The following DSCAML1 variants were observed in gnomAD, a reference collection of about 807,000 sequenced individuals.
The protein encoded by DSCAML1 is DS cell adhesion molecule like 1, also known as cell adhesion molecule DSCAML1.
Under a neutral mutation model 200.5 loss-of-function variants are expected in DSCAML1, and 38 were observed. That is an observed-to-expected ratio of 0.19 (90% CI 0.15 to 0.25). The LOEUF (loss-of-function observed/expected upper bound fraction) is 0.25, where lower values mean the gene tolerates loss of function less well. Among genes scored for constraint, DSCAML1 ranks in the 10% least tolerant of loss-of-function variants. DSCAML1 has a pLI of 1.00. For missense variants in DSCAML1, 2,223 were observed against 2,858.8 expected, an observed-to-expected ratio of 0.78 and a Z score of 5.07; for synonymous variants, 1,215 against 1,165.0, an observed-to-expected ratio of 1.04 and a Z score of -0.87.
chr11:117,563,937 C>T (rs1031049736), intron 3 of DSCAML1, among the ~76,000 whole-genome samples: 4 of 152,032 alleles, frequency 2.6e-5, no homozygotes, highest in African/African-American at 9.7e-5. Context: ...GTGACGGGTG[C>T]CAGTCTAACT....
intron 3 of DSCAML1, among the ~76,000 whole-genome samples, chr11:117,661,093 T>A (rs1454236185): frequency 6.6e-6 from 1 of 152,166 alleles, no homozygotes; most frequent in Admixed American, 6.5e-5. Context: ...AGGCCACTGT[T>A]CCCAAGGTGA....
At chr11:117,792,804 GCAACCC>G (rs2055496289) in intron 1 of DSCAML1, among the ~76,000 whole-genome samples, 1 of 152,154 alleles carries the variant, frequency 6.6e-6, no homozygotes, top group East Asian at 1.9e-4. Context: ...CATGAGAGGA[GCAACCC>G]ACATCCCAAG....
chr11:117,577,482 C>T (rs1314785177), intron 3 of DSCAML1, among the ~76,000 whole-genome samples: 18 of 25,264 alleles, frequency 7.1e-4, no homozygotes, highest in South Asian at 4.5e-3. Flanking sequence ...TCCTTCCTTC[C>T]TTCCTTCCTT....
In DSCAML1 at chr11:117,428,265, C is replaced by G. The variant is rs1409070617; in HGVS notation, c.*63G>C. ...GAATATAAATAATGCAGAAAAACAG[C>G]CGAGCTGGCGTGTGGGGCTGCGGCG... is the stretch of plus-strand genomic sequence containing the variant. On this transcript the variant is annotated 3_prime_UTR_variant, in exon 33 of 33. Coordinates refer to ENST00000651296, the MANE Select transcript of DSCAML1 (RefSeq NM_020693.4). 1 of 945,968 alleles carries G rather than the reference C, an allele frequency of 1.1e-6. No homozygotes were observed. Among genetic ancestry groups the G allele is most frequent in the East Asian group, 2.5e-5 (1 of 40,338 alleles). The allele number at this position is 945,968 out of a possible 1,614,324, so 58.6% of individuals were successfully genotyped here. A position where few individuals can be genotyped will look rare whatever the true frequency, so the allele number is the denominator to read the frequency against.
chr11:117,637,838 A>C (rs1458463603), intron 3 of DSCAML1, among the ~76,000 whole-genome samples: 42 of 152,188 alleles, frequency 2.8e-4, no homozygotes, highest in Admixed American at 2.7e-3. Flanking sequence ...TTAGCGGAGA[A>C]ATAATCTCCA....
chr11:117,776,960 GA>G, intron 2 of DSCAML1, 23 bp from the exon 3 acceptor site: 2 of 1,612,612 alleles, frequency 1.2e-6, no homozygotes, highest in Non-Finnish European at 1.7e-6. Context: ...TGGCAGTGGG[GA>G]AGAGAAGAGT....
chr11:117,473,597 C>T (rs1305094000), intron 14 of DSCAML1, among the ~76,000 whole-genome samples: 4 of 152,168 alleles, frequency 2.6e-5, no homozygotes, highest in Admixed American at 6.5e-5. Context: ...CCTCCAATTT[C>T]TGGTTAGTTG....
chr11:117,742,079 C>T (rs1269857514), intron 3 of DSCAML1, among the ~76,000 whole-genome samples: 2 of 152,164 alleles, frequency 1.3e-5, no homozygotes, highest in Non-Finnish European at 2.9e-5. Flanking sequence ...ATGGCTGGCC[C>T]ATTGCTAGAT....
At chr11:117,672,100 C>CAGGAAAAAAAA (rs1318984086) in intron 3 of DSCAML1, among the ~76,000 whole-genome samples, 37 of 23,992 alleles carry the variant, frequency 1.5e-3, no homozygotes, top group South Asian at 2.8e-3. Context: ...GACTCCAGCT[C>CAGGAAAAAAAA]AGAAAAAAAA....
intron 3 of DSCAML1, among the ~76,000 whole-genome samples, chr11:117,694,078 T>TATATATATATATATATATATATAA (rs61622292): frequency 2.6e-5 from 1 of 38,692 alleles, no homozygotes; most frequent in Non-Finnish European, 7.4e-5. Context: ...TATATATATA[T>TATATATATATATATATATATATAA]ACACATATAT....
chr11:117,481,208 C>T lies in DSCAML1; in HGVS notation c.2622G>A (p.Gly874=), dbSNP rs143345679. Residue 874 remains glycine (G), a synonymous_variant, in exon 13 of 33, where the codon GGG becomes GGA. Coordinates refer to ENST00000651296, the MANE Select transcript of DSCAML1 (RefSeq NM_020693.4). The part of the protein sequence containing the change: ...FFSCHAINSY[G]EDRGLIQLTV... ...TGAGTTGGATCAAGCCCCGGTCCTC[C>T]CCATACGAGTTGATGGCATGGCAGC... The T allele has an allele frequency of 6.2e-7, 1 of 1,613,884 alleles. No homozygotes were observed.
At chr11:117,515,610 C>CTGTTTTTTTT (rs2049746328) in intron 8 of DSCAML1, among the ~76,000 whole-genome samples, 1 of 65,122 alleles carries the variant, frequency 1.5e-5, no homozygotes, top group African/African-American at 8.4e-5. Flanking sequence ...AGGGACGAAG[C>CTGTTTTTTTT]TTTTTTTTTT....
At chr11:117,571,107 C>G (rs1441442608) in intron 3 of DSCAML1, among the ~76,000 whole-genome samples, 1 of 152,196 alleles carries the variant, frequency 6.6e-6, no homozygotes, top group Non-Finnish European at 1.5e-5. Context: ...ACGAGCAGAG[C>G]CCTGGTGGGG....
chr11:117,516,188 C>T lies in DSCAML1; in HGVS notation c.1783+279G>A, dbSNP rs1191270243. The stretch of plus-strand genomic sequence containing the variant: ...GGCCTCTCTCCCAGAAGGCAGCCTG[C>T]CTCCTTTATCTGTAACTCACCCTCT... On this transcript the variant is annotated intron_variant, in intron 8 of 32. Coordinates refer to ENST00000651296, the MANE Select transcript of DSCAML1 (RefSeq NM_020693.4). This position sits in a 1 kb window ranked among gnomAD's most constrained non-coding sequence, Gnocchi z 5.7. 6.6e-6 allele frequency among the ~76,000 whole-genome samples: 1 copy of T among 152,194 alleles called. No individual in the cohort carries two copies. The highest frequency in any genetic ancestry group is 1.5e-5 in the Non-Finnish European group (1 of 68,028).
At chr11:117,550,580 A>C (rs889911063) in intron 3 of DSCAML1, among the ~76,000 whole-genome samples, 1 of 152,212 alleles carries the variant, frequency 6.6e-6, no homozygotes, top group African/African-American at 2.4e-5. Context: ...GTAAAGGTAT[A>C]ATAGATGATT....
chr11:117,663,443 G>A (rs1436215999), intron 3 of DSCAML1, among the ~76,000 whole-genome samples: 2 of 152,142 alleles, frequency 1.3e-5, no homozygotes, highest in Admixed American at 6.5e-5. Context: ...ATCCCTCTGG[G>A]AGCTCTTCCA....
intron 3 of DSCAML1, among the ~76,000 whole-genome samples, chr11:117,574,742 G>T (rs945022257): frequency 1.3e-5 from 2 of 152,172 alleles, no homozygotes; most frequent in Non-Finnish European, 2.9e-5. Context: ...TGTGGGGCCT[G>T]CCACGGAACC....
chr11:117,548,804 G>C (rs540881908), intron 3 of DSCAML1, among the ~76,000 whole-genome samples: 1 of 152,160 alleles, frequency 6.6e-6, no homozygotes, highest in East Asian at 1.9e-4. Flanking sequence ...AAGAAACCCC[G>C]CAGTCTTGAA....
upstream of DSCAML1, chr11:117,797,223 G>A: frequency 2.0e-6 from 3 of 1,484,756 alleles, no homozygotes; most frequent in African/African-American, 2.9e-5. Context: ...GGCTGCGGCG[G>A]CGGCTCCTCC....
Sources: gnomAD v4.1 joint callset for allele counts (sites outside exome capture counted in the v4.1 genomes callset) on GRCh38, gnomAD v4.1.1 for gene constraint, Gnocchi (gnomAD v3.1) non-coding constraint, MANE v1.5 for transcripts, NCBI Gene and HGNC (gene_info 2026-07-23, HGNC 2026-07-21) for gene names.